GRK5: variants seen among roughly 807,000 people sequenced by gnomAD.
GRK5 encodes G protein-coupled receptor kinase 5, also known as g protein-coupled receptor kinase GRK5.
In GRK5, 40 loss-of-function variants were observed where a neutral mutation model predicts 78.4. That is an observed-to-expected ratio of 0.51 (90% CI 0.40 to 0.66). The LOEUF (loss-of-function observed/expected upper bound fraction) is 0.66. GRK5 is among the 30% of genes least tolerant of loss of function. The pLI is 0.00. For synonymous variants in GRK5, 289 were observed against 296.8 expected, an observed-to-expected ratio of 0.97 and a Z score of 0.27; for missense variants, 598 against 759.9, an observed-to-expected ratio of 0.79 and a Z score of 2.50.
At chr10:119,314,592 A>C (rs971377055) in intron 1 of GRK5, among the ~76,000 whole-genome samples, 2 of 152,156 alleles carry the variant, frequency 1.3e-5, no homozygotes, top group Admixed American at 1.3e-4. Flanking sequence ...TGGCGCCTAA[A>C]AGCTCCTGAT....
intron 2 of GRK5, among the ~76,000 whole-genome samples, chr10:119,380,328 T>G (rs1448100560): frequency 2.6e-5 from 4 of 152,162 alleles, no homozygotes; most frequent in African/African-American, 9.7e-5. Flanking sequence ...ATCGCGGCTT[T>G]TCTTGCAGTG....
intron 3 of GRK5, among the ~76,000 whole-genome samples, chr10:119,392,538 G>A (rs1430827554): frequency 6.6e-6 from 1 of 152,206 alleles, no homozygotes; most frequent in East Asian, 1.9e-4. Context: ...AAGTAGCTGG[G>A]ATTACAGGCA....
At chr10:119,393,676 C>T (rs1200251330) in intron 3 of GRK5, among the ~76,000 whole-genome samples, 1 of 152,342 alleles carries the variant, frequency 6.6e-6, no homozygotes, top group African/African-American at 2.4e-5. Flanking sequence ...AGGCAGCTGG[C>T]TCTAGAGTGC....
intron 2 of GRK5, among the ~76,000 whole-genome samples, chr10:119,341,755 G>A (rs1281647658): frequency 2.0e-5 from 3 of 152,078 alleles, no homozygotes; most frequent in African/African-American, 7.3e-5. Context: ...TAGATATTTT[G>A]TTCTCCCCTG....
At chr10:119,393,603 G>A (rs928441120) in intron 3 of GRK5, among the ~76,000 whole-genome samples, 1 of 152,196 alleles carries the variant, frequency 6.6e-6, no homozygotes, top group Non-Finnish European at 1.5e-5. Context: ...CCACGGTGCC[G>A]GACCAACGGC....
intron 3 of GRK5, among the ~76,000 whole-genome samples, chr10:119,390,807 C>A (rs898123243): frequency 6.6e-6 from 1 of 152,188 alleles, no homozygotes; most frequent in Non-Finnish European, 1.5e-5. Flanking sequence ...CCACCGGGTC[C>A]TTCCCACAAC....
At chr10:119,243,705 C>T (rs1849061997) in intron 1 of GRK5, among the ~76,000 whole-genome samples, 1 of 151,874 alleles carries the variant, frequency 6.6e-6, no homozygotes, top group African/African-American at 2.4e-5. Context: ...TTCTGAAAAC[C>T]AGCAGGAAAG....
rs758145313 is a variant in GRK5, at chr10:119,430,830, C to T, written c.597+392C>T. Reference sequence around the variant, plus strand: ...ATTCGAGATTTCGTTGTACATTACCCGATCTTCCCAGCATGTGAGGCAAGC... The same window carrying T: ...ATTCGAGATTTCGTTGTACATTACCTGATCTTCCCAGCATGTGAGGCAAGC... On this transcript the variant is annotated intron_variant, in intron 7 of 15. Transcript: ENST00000392870. This position sits in a 1 kb window ranked among gnomAD's most constrained non-coding sequence, Gnocchi z 4.5. Among the ~76,000 whole-genome samples, 1 of 152,170 alleles carries T rather than the reference C, an allele frequency of 6.6e-6. No individual in the cohort carries two copies. The highest frequency in any genetic ancestry group is 6.5e-5 in the Admixed American group (1 of 15,284).
At chr10:119,300,025 CA>C (rs1184888561) in intron 1 of GRK5, among the ~76,000 whole-genome samples, 2 of 152,116 alleles carry the variant, frequency 1.3e-5, no homozygotes, top group Non-Finnish European at 2.9e-5. Context: ...TAAGGGGAAG[CA>C]GCCTTTTCTT....
At chr10:119,400,913 G>A (rs1852139187) in intron 4 of GRK5, among the ~76,000 whole-genome samples, 1 of 152,174 alleles carries the variant, frequency 6.6e-6, no homozygotes, top group South Asian at 2.1e-4. Flanking sequence ...GGTGTATGGG[G>A]GTGTCCCCAG....
intron 1 of GRK5, among the ~76,000 whole-genome samples, chr10:119,317,347 G>GGGGTGT (rs944019342): frequency 2.1e-5 from 3 of 142,416 alleles, no homozygotes; most frequent in African/African-American, 7.8e-5. Flanking sequence ...TCAGTAGATG[G>GGGGTGT]GTGTGTGTGT....
At chr10:119,260,203 G>A (rs1311178395) in intron 1 of GRK5, among the ~76,000 whole-genome samples, 2 of 151,936 alleles carry the variant, frequency 1.3e-5, no homozygotes, top group Admixed American at 6.6e-5. Context: ...GGGTTTCATC[G>A]TGTTAGCCAG....
At chr10:119,248,528 T>C (rs1271499969) in intron 1 of GRK5, among the ~76,000 whole-genome samples, 2 of 152,126 alleles carry the variant, frequency 1.3e-5, no homozygotes, top group African/African-American at 4.8e-5. Flanking sequence ...GAAGCAATGA[T>C]AGCATGAGAT....
chr10:119,290,398 G>A (rs117476133), intron 1 of GRK5, among the ~76,000 whole-genome samples: 12,575 of 148,106 alleles, frequency 0.085, 736 homozygotes, highest in Admixed American at 0.14. Flanking sequence ...CCCTGTGGCC[G>A]TCACCTCTAA....
chr10:119,375,261 G>T (rs1251281162), intron 2 of GRK5, among the ~76,000 whole-genome samples: 17 of 152,126 alleles, frequency 1.1e-4, no homozygotes, highest in African/African-American at 3.1e-4. Flanking sequence ...TCACCTGGAG[G>T]TTTCACCTCC....
intron 1 of GRK5, among the ~76,000 whole-genome samples, chr10:119,229,176 G>C (rs1165879648): frequency 1.3e-5 from 2 of 152,158 alleles, no homozygotes; most frequent in East Asian, 3.8e-4. Context: ...GGGCAAGAAT[G>C]GGGAATGAGA....
chr10:119,299,485 GT>G (rs1221096011), intron 1 of GRK5, among the ~76,000 whole-genome samples: 1 of 152,000 alleles, frequency 6.6e-6, no homozygotes, highest in East Asian at 1.9e-4. Context: ...AAAATCCTGG[GT>G]TTCCTTTGTG....
At chr10:119,448,799 T>C (rs1373582586) in intron 13 of GRK5, among the ~76,000 whole-genome samples, 3 of 152,070 alleles carry the variant, frequency 2.0e-5, no homozygotes, top group African/African-American at 7.2e-5. Flanking sequence ...GGTCCCCCAG[T>C]CGGTGTGTGA....
rs2133827909 is a variant in GRK5 at position 119,378,283 on chromosome 10, GC to G, written c.149-2531del. 6.6e-6 allele frequency among the ~76,000 whole-genome samples: 1 copy of G among 152,310 alleles called. No homozygotes were observed. The highest frequency in any genetic ancestry group is 1.9e-4 in the East Asian group (1 of 5,186). On this transcript the variant is annotated intron_variant, in intron 2 of 15. Coordinates refer to ENST00000392870, the MANE Select transcript of GRK5 (RefSeq NM_005308.3). This position sits in a 1 kb window ranked among gnomAD's most constrained non-coding sequence, Gnocchi z 4.5. Reference sequence around the variant, plus strand: ...TATTTGTGAACCATCTGTGCTGGGAGCGGTGGAGACTGCGCCCACGGCTGAA... The same window carrying G: ...TATTTGTGAACCATCTGTGCTGGGAGGGTGGAGACTGCGCCCACGGCTGAA...
Sources: gnomAD v4.1 joint callset for allele counts (sites outside exome capture counted in the v4.1 genomes callset) on GRCh38, gnomAD v4.1.1 for gene constraint, Gnocchi (gnomAD v3.1) non-coding constraint, MANE v1.5 for transcripts, NCBI Gene and HGNC (gene_info 2026-07-23, HGNC 2026-07-21) for gene names.